The following AKAP13 variants were observed in gnomAD, a reference collection of about 807,000 sequenced individuals.
AKAP13 encodes A-kinase anchoring protein 13.
AKAP13 carries 80 observed loss-of-function variants against 264.5 expected under a neutral mutation model. The observed-to-expected ratio is 0.30, with a 90% CI of 0.25 to 0.36. The LOEUF is 0.36. AKAP13 is among the 10% of genes least tolerant of loss of function. The pLI is 1.00. For synonymous variants in AKAP13, 1,380 were observed against 1,250.2 expected (o/e 1.10, Z -2.19); for missense variants, 3,712 against 3,435.2 (o/e 1.08, Z -2.01).
At chr15:85,485,795 G>T in intron 2 of AKAP13, 42 bp downstream of exon 2, 2 of 1,591,536 alleles carry the variant, frequency 1.3e-6, no homozygotes, top group Non-Finnish European at 1.7e-6. Flanking sequence ...GTGTTTATCT[G>T]TTCTGCTTAC....
chr15:85,743,659 G>T lies in AKAP13; in HGVS notation c.8226G>T (p.Gly2742=), dbSNP rs778064617. The change falls in exon 36 of 37, where the codon GGG becomes GGT. Residue 2742 remains glycine (G), a synonymous_variant. Transcript: ENST00000394518. The part of the protein sequence containing the change: ...NSISRTHKDK[G]PFHILSSTSQ... ...TCTCTCGGACACACAAAGATAAGGG[G>T]CCTTTTCACATACTGAGTTCAACCA... 1.2e-6 allele frequency: 2 copies of T among 1,614,140 alleles called. No individual in the cohort carries two copies. The highest frequency in any genetic ancestry group is 2.2e-5 in the South Asian group (2 of 91,076).
chr15:85,713,264 G>A (rs991860974), intron 19 of AKAP13, among the ~76,000 whole-genome samples: 2 of 152,102 alleles, frequency 1.3e-5, no homozygotes, highest in Admixed American at 1.3e-4. Context: ...ACATCATTCT[G>A]CTTTTCCAGC....
Position 85,605,562 on chromosome 15 carries a change from C to G in AKAP13, c.4161+19739C>G, listed in dbSNP as rs78977250. 9.5e-3 allele frequency among the ~76,000 whole-genome samples: 1,439 copies of G among 152,160 alleles called. 27 individuals are homozygous for G. The highest frequency in any genetic ancestry group is 0.033 in the African/African-American group (1,372 of 41,498). ...TGGGTTGATGGATTGATAGGTGCAGCAAACAAACATGGCACATGTTTACCT... is the reference window on the plus strand; with the variant it reads ...TGGGTTGATGGATTGATAGGTGCAGGAAACAAACATGGCACATGTTTACCT... On this transcript the variant is annotated intron_variant, in intron 8 of 36. Coordinates refer to ENST00000394518, the MANE Select transcript of AKAP13 (RefSeq NM_007200.5).
chr15:85,562,812 C>T (rs2078448171), intron 5 of AKAP13, among the ~76,000 whole-genome samples: 1 of 147,534 alleles, frequency 6.8e-6, no homozygotes, highest in Admixed American at 6.8e-5. Flanking sequence ...TCTCCTGCCT[C>T]AGCCTCCTGA....
chr15:85,478,371 T>G (rs1250453991), intron 1 of AKAP13, among the ~76,000 whole-genome samples: 2 of 152,330 alleles, frequency 1.3e-5, no homozygotes, highest in East Asian at 3.9e-4. Flanking sequence ...CTAAAATGAT[T>G]ATAAGGATGT....
chr15:85,741,561 C>T, intron 35 of AKAP13, 66 bp downstream of exon 35: 1 of 1,493,358 alleles, frequency 6.7e-7, no homozygotes. Flanking sequence ...GTGTATTAAG[C>T]AAGGTAAGAA....
chr15:85,483,121 G>T (rs1417196947), intron 1 of AKAP13, among the ~76,000 whole-genome samples: 2 of 152,214 alleles, frequency 1.3e-5, no homozygotes, highest in African/African-American at 4.8e-5. Flanking sequence ...CCTCATTCCA[G>T]TGTGGCGGGA....
At chr15:85,409,096 A>G (rs7183745) in intron 1 of AKAP13, among the ~76,000 whole-genome samples, 41,020 of 151,490 alleles carry the variant, frequency 0.27, 8,140 homozygotes, top group African/African-American at 0.53. Context: ...GCATCTTTTT[A>G]TGTGGTTATT....
At chr15:85,595,567 G>A (rs2079782840) in intron 8 of AKAP13, among the ~76,000 whole-genome samples, 3 of 152,196 alleles carry the variant, frequency 2.0e-5, no homozygotes, top group Admixed American at 2.0e-4. Flanking sequence ...ATCAGAGAGA[G>A]GAATACTTCT....
chr15:85,537,718 T>A (rs145706221), intron 4 of AKAP13, among the ~76,000 whole-genome samples: 1 of 152,358 alleles, frequency 6.6e-6, no homozygotes, highest in African/African-American at 2.4e-5. Context: ...TGCAAGAGTT[T>A]GTGCAAAATA....
chr15:85,621,013 A>T (rs2081161612), intron 8 of AKAP13, among the ~76,000 whole-genome samples: 1 of 152,242 alleles, frequency 6.6e-6, no homozygotes, highest in Admixed American at 6.5e-5. Flanking sequence ...TTCATAGATG[A>T]CAGAAAGAAC....
At chr15:85,389,396 T>C (rs1217439955) in intron 1 of AKAP13, among the ~76,000 whole-genome samples, 3 of 152,202 alleles carry the variant, frequency 2.0e-5, no homozygotes, top group Admixed American at 1.3e-4. Context: ...CTTATCTCAT[T>C]TGTTCCCTTC....
rs1257100588 is a variant in AKAP13 at position 85,658,564 on chromosome 15, C to T, written c.4773C>T (p.Val1591=). The change falls in exon 12 of 37, where the codon GTC becomes GTT. Residue 1591 remains valine (V), a synonymous_variant. Transcript: ENST00000394518. ...CAATGCGAGTTCTTGGGGATGTTGT[C>T]AGGAGACCTCCCATTCATAGGAGAA... ...RSSMRVLGDV[V]RRPPIHRRSF... is the part of the protein sequence containing the mutation. 1.2e-6 allele frequency: 2 copies of T among 1,613,938 alleles called. No homozygotes were observed. Among genetic ancestry groups the T allele is most frequent in the East Asian group, 2.2e-5 (1 of 44,874 alleles).
In AKAP13 at chr15:85,684,756, C is replaced by A. The variant is rs773125068; in HGVS notation, c.5172C>A (p.Asn1724Lys). The change falls in exon 16 of 37, where the codon AAC becomes AAA. Residue 1724 changes from asparagine (N) to lysine (K), a missense_variant. Asn to Lys is a moderately conservative substitution (Grantham distance 94). This residue lies in a region of AKAP13 where 2,759 missense variants were observed against 2,411.7 expected (regional missense o/e 1.14). Transcript: ENST00000394518. ...TTTTATTTAGTATAACAGAAGAGAACTATAATTTCCTGCCACATAGCCCCT... is the reference window on the plus strand; with the variant it reads ...TTTTATTTAGTATAACAGAAGAGAAATATAATTTCCTGCCACATAGCCCCT... The part of the protein sequence containing the change: ...ANLTESITEE[N>K]YNFLPHSPSK... 3.1e-6 allele frequency: 5 copies of A among 1,612,480 alleles called. No homozygotes were observed. The Admixed American group carries it at 8.3e-5, about 27-fold the overall frequency.
At chr15:85,402,681 C>G (rs2071481624) in intron 1 of AKAP13, among the ~76,000 whole-genome samples, 1 of 151,762 alleles carries the variant, frequency 6.6e-6, no homozygotes, top group East Asian at 1.9e-4. Flanking sequence ...TTTTTTCGAG[C>G]ACTTACTTTG....
chr15:85,744,539 C>A, intron 36 of AKAP13, 89 bp from the exon 37 acceptor site: 1 of 1,391,986 alleles, frequency 7.2e-7, no homozygotes, highest in Non-Finnish European at 1.0e-6. Context: ...CGCCTGTTTG[C>A]ATTACAGAAG....
intron 30 of AKAP13, among the ~76,000 whole-genome samples, chr15:85,731,624 A>G (rs1347973441): frequency 6.6e-6 from 1 of 152,156 alleles, no homozygotes; most frequent in Non-Finnish European, 1.5e-5. Flanking sequence ...TCTTTCATTG[A>G]GGAGGCATAA....
intron 5 of AKAP13, among the ~76,000 whole-genome samples, chr15:85,562,814 G>C (rs2078448247): frequency 6.9e-6 from 1 of 144,474 alleles, no homozygotes; most frequent in South Asian, 2.2e-4. Flanking sequence ...TCCTGCCTCA[G>C]CCTCCTGAGT....
rs139130036 is a variant in AKAP13 at position 85,551,896 on chromosome 15, A to T, written c.662+7941A>T. On this transcript the variant is annotated intron_variant, in intron 5 of 36. Coordinates refer to ENST00000394518, the MANE Select transcript of AKAP13 (RefSeq NM_007200.5). ...ATGTGATTTTTACTTGGTCAATTCT[A>T]AAGTTTTCTTAAACGCATACCAATA... Among the ~76,000 whole-genome samples the T allele has an allele frequency of 6.3e-3, 965 of 152,340 alleles. 11 individuals are homozygous for T. Among genetic ancestry groups the T allele is most frequent in the African/African-American group, 0.022 (904 of 41,578 alleles).
Sources: gnomAD v4.1 joint callset for allele counts (sites outside exome capture counted in the v4.1 genomes callset) on GRCh38, gnomAD v4.1.1 for gene constraint, gnomAD v4.1.1 regional missense constraint, MANE v1.5 for transcripts, NCBI Gene and HGNC (gene_info 2026-07-23, HGNC 2026-07-21) for gene names.